PPP1R42: variants seen among roughly 807,000 people sequenced by gnomAD.
PPP1R42 encodes the protein leucine rich repeat containing 67.
A neutral mutation model predicts 31.0 loss-of-function variants in PPP1R42; 34 were observed. The observed-to-expected ratio is 1.10, with a 90% CI of 0.83 to 1.46. The LOEUF is 1.46. PPP1R42 is among the 40% of genes most tolerant of loss of function. The pLI is 0.00. For synonymous variants in PPP1R42, 103 were observed against 109.8 expected (o/e 0.94, Z 0.39); for missense variants, 268 against 303.0 (o/e 0.88, Z 0.86).
At chr8:66,998,328 A>T (rs1815391734) in intron 5 of PPP1R42, among the ~76,000 whole-genome samples, 1 of 152,192 alleles carries the variant, frequency 6.6e-6, no homozygotes, top group Admixed American at 6.6e-5. Flanking sequence ...ATGCCATTTT[A>T]AAAAAATTCA....
At chr8:66,983,210 T>C (rs1260506010) in intron 6 of PPP1R42, among the ~76,000 whole-genome samples, 3 of 152,326 alleles carry the variant, frequency 2.0e-5, no homozygotes, top group Admixed American at 6.5e-5. Flanking sequence ...TTATTTTCTA[T>C]ATATGTATAT....
intron 5 of PPP1R42, among the ~76,000 whole-genome samples, chr8:67,007,403 C>T (rs372023856): frequency 1.3e-5 from 2 of 152,100 alleles, no homozygotes; most frequent in African/African-American, 4.8e-5. Flanking sequence ...CACTCTGTCA[C>T]CCAGGCTGGA....
intron 4 of PPP1R42, 61 bp downstream of exon 4, chr8:67,012,895 CCT>C: frequency 6.9e-7 from 1 of 1,456,132 alleles, no homozygotes. Flanking sequence ...TCACCACATT[CCT>C]GTTTCATTAT....
chr8:67,017,958 G>A, intron 1 of PPP1R42, 127 bp from the exon 2 acceptor site: 1 of 387,452 alleles, frequency 2.6e-6, no homozygotes, highest in Non-Finnish European at 4.4e-6. Context: ...GACATTTTTA[G>A]GGGCACTGAG....
At chr8:67,013,196 A>G (rs1815896077) in intron 3 of PPP1R42, 100 bp from the exon 4 acceptor site, 3 of 904,918 alleles carry the variant, frequency 3.3e-6, no homozygotes, top group Admixed American at 2.9e-5. Flanking sequence ...GAGCTGAACA[A>G]AATTATAAAT....
In PPP1R42 at chr8:67,010,851, G is replaced by C; in HGVS notation, c.436-20C>G. The C allele has an allele frequency of 6.4e-7, 1 of 1,555,558 alleles. No individual in the cohort carries two copies. Among genetic ancestry groups the C allele is most frequent in the Non-Finnish European group, 8.7e-7 (1 of 1,147,192 alleles). ...GGATTTCTGTAAGAAAAATAACGAA[G>C]TTAGCATTAGTAAATAGTCTAAATA... is the stretch of plus-strand genomic sequence containing the variant. On this transcript the variant is annotated intron_variant, in intron 4 of 7. Coordinates refer to ENST00000685739, the MANE Select transcript of PPP1R42 (RefSeq NM_001364910.1).
chr8:67,020,502 A>G (rs1398899830), intron 1 of PPP1R42, among the ~76,000 whole-genome samples: 3 of 152,168 alleles, frequency 2.0e-5, no homozygotes, highest in Non-Finnish European at 4.4e-5. Context: ...AGCCCGGCCA[A>G]TCCAGGGTTT....
At position 67,009,322 on chromosome 8, in the gene PPP1R42, C is replaced by T. The variant is rs1338810642; in HGVS notation, c.552+1393G>A. On this transcript the variant is annotated intron_variant, in intron 5 of 7. Transcript: ENST00000685739. ...GTGGCTCACACCTGTAATCCCAGCACTTTGGGGGGCCGAGGTGGGCAGATC... is the reference window on the plus strand; with the variant it reads ...GTGGCTCACACCTGTAATCCCAGCATTTTGGGGGGCCGAGGTGGGCAGATC... 5.3e-5 allele frequency among the ~76,000 whole-genome samples: 8 copies of T among 152,140 alleles called. No homozygotes were observed. In the East Asian group the frequency reaches 1.4e-3, roughly 26 times the overall value.
chr8:66,968,664 A>C (rs1201866977), intron 7 of PPP1R42: 1 of 170,438 alleles, frequency 5.9e-6, no homozygotes, highest in Non-Finnish European at 1.2e-5. Context: ...ATTTATGTTA[A>C]ATTGCTAAAA....
chr8:66,993,492 C>T (rs1815249504), intron 5 of PPP1R42, among the ~76,000 whole-genome samples: 2 of 152,206 alleles, frequency 1.3e-5, no homozygotes, highest in South Asian at 4.1e-4. Context: ...TTGCCATGCT[C>T]CAACCTGCCC....
chr8:66,968,918 A>G (rs999425837), intron 7 of PPP1R42, among the ~76,000 whole-genome samples: 13 of 152,234 alleles, frequency 8.5e-5, no homozygotes, highest in African/African-American at 3.1e-4. Context: ...TCAGGATTGA[A>G]CATAATTGGC....
intron 2 of PPP1R42, among the ~76,000 whole-genome samples, chr8:67,015,597 A>C (rs1029449020): frequency 2.0e-5 from 3 of 149,450 alleles, no homozygotes; most frequent in African/African-American, 7.3e-5. Flanking sequence ...AACATCAATT[A>C]CTTTTTTTTT....
chr8:66,976,908 T>C (rs900627276), intron 7 of PPP1R42, among the ~76,000 whole-genome samples: 17 of 152,184 alleles, frequency 1.1e-4, no homozygotes, highest in Admixed American at 3.9e-4. Context: ...TCTTTTCCTT[T>C]GGATAGATGG....
intron 7 of PPP1R42, among the ~76,000 whole-genome samples, chr8:66,971,652 ATGTT>A (rs1345730704): frequency 2.0e-5 from 3 of 152,178 alleles, no homozygotes; most frequent in Admixed American, 6.5e-5. Flanking sequence ...TGTTTATTAA[ATGTT>A]TGTTATGAAT....
intron 2 of PPP1R42, among the ~76,000 whole-genome samples, chr8:67,017,246 G>A (rs1046172901): frequency 6.6e-6 from 1 of 152,148 alleles, no homozygotes; most frequent in Non-Finnish European, 1.5e-5. Flanking sequence ...GGCCAAGGCA[G>A]GCGGATCACT....
chr8:66,975,601 G>A (rs2130916959), intron 7 of PPP1R42, among the ~76,000 whole-genome samples: 1 of 152,188 alleles, frequency 6.6e-6, no homozygotes, highest in African/African-American at 2.4e-5. Context: ...AACTGAGATT[G>A]TGCCACTGCA....
chr8:66,986,439 G>A (rs1337402762), intron 6 of PPP1R42, among the ~76,000 whole-genome samples: 2 of 152,092 alleles, frequency 1.3e-5, no homozygotes, highest in East Asian at 3.9e-4. Flanking sequence ...AAGTTAAACC[G>A]GAACCAGAAA....
chr8:67,019,029 T>A (rs1816119908), intron 1 of PPP1R42, among the ~76,000 whole-genome samples: 1 of 145,748 alleles, frequency 6.9e-6, no homozygotes, highest in African/African-American at 2.6e-5. Flanking sequence ...GGAGACGGGG[T>A]TTCACTGTGT....
chr8:66,984,148 T>C, intron 6 of PPP1R42: 2 of 1,592,278 alleles, frequency 1.3e-6, no homozygotes, highest in Non-Finnish European at 1.7e-6. Context: ...CAGTGGACTC[T>C]ACACAGATTC....
Sources: gnomAD v4.1 joint callset for allele counts (sites outside exome capture counted in the v4.1 genomes callset) on GRCh38, gnomAD v4.1.1 for gene constraint, MANE v1.5 for transcripts, NCBI Gene and HGNC (gene_info 2026-07-23, HGNC 2026-07-21) for gene names.